The following NCOA2 variants were observed in gnomAD, a reference collection of about 807,000 sequenced individuals.
The protein encoded by NCOA2 is class E basic helix-loop-helix protein 75.
In NCOA2, 21 loss-of-function variants were observed where a neutral mutation model predicts 145.1. The ratio of observed to expected loss-of-function variants is 0.14; its 90% CI spans 0.10 to 0.21. The LOEUF is 0.21. Among genes scored for constraint, NCOA2 ranks in the 10% least tolerant of loss-of-function variants. The pLI, the probability that NCOA2 is intolerant of heterozygous loss-of-function variation, is 1.00. For missense variants in NCOA2, 1,472 were observed against 1,837.6 expected, an observed-to-expected ratio of 0.80 and a Z score of 3.64; for synonymous variants, 619 against 637.5, an observed-to-expected ratio of 0.97 and a Z score of 0.44.
At chr8:70,243,199 TAGA>T (rs1388465233) in intron 2 of NCOA2, among the ~76,000 whole-genome samples, 3 of 152,128 alleles carry the variant, frequency 2.0e-5, no homozygotes, top group African/African-American at 2.4e-5. Flanking sequence ...ACTCTAGCTG[TAGA>T]AGATTATTTA....
intron 4 of NCOA2, among the ~76,000 whole-genome samples, chr8:70,196,403 A>T (rs552703873): frequency 2.6e-5 from 4 of 152,254 alleles, no homozygotes; most frequent in South Asian, 4.1e-4. Flanking sequence ...AATAAAAAAT[A>T]ACCTTTCCTT....
At chr8:70,126,769 G>C in intron 19 of NCOA2, 44 bp downstream of exon 19, 1 of 1,515,728 alleles carries the variant, frequency 6.6e-7, no homozygotes, top group Non-Finnish European at 9.1e-7. Flanking sequence ...GGGACACTGG[G>C]GAGAAAGGAC....
At chr8:70,209,729 T>C (rs1257390140) in intron 4 of NCOA2, among the ~76,000 whole-genome samples, 1 of 152,214 alleles carries the variant, frequency 6.6e-6, no homozygotes, top group Non-Finnish European at 1.5e-5. Flanking sequence ...AATGTATTAA[T>C]TTTTTAAAGA....
At chr8:70,145,800 T>A (rs937134884) in intron 12 of NCOA2, among the ~76,000 whole-genome samples, 8 of 152,132 alleles carry the variant, frequency 5.3e-5, no homozygotes, top group African/African-American at 1.9e-4. Flanking sequence ...TGGCTAATTT[T>A]AAAATTTTTT....
At chr8:70,430,392 A>AT in the NCOA2 span, among the ~76,000 whole-genome samples, 36 of 152,300 alleles carry the variant, frequency 2.4e-4, no homozygotes, top group African/African-American at 5.5e-4. Context: ...ATAGCACTAC[A>AT]TTTTTTACAG....
intron 1 of NCOA2, among the ~76,000 whole-genome samples, chr8:70,373,661 T>C (rs559264925): frequency 3.3e-5 from 5 of 152,200 alleles, no homozygotes; most frequent in Non-Finnish European, 5.9e-5. Flanking sequence ...TTTAAAACTT[T>C]CATAGTTTTA....
intron 2 of NCOA2, among the ~76,000 whole-genome samples, chr8:70,267,942 C>T (rs1053352104): frequency 5.3e-5 from 8 of 152,108 alleles, no homozygotes; most frequent in African/African-American, 1.9e-4. Flanking sequence ...TTCACAAAAT[C>T]GTTTTTCATA....
At chr8:70,421,431 G>A in the NCOA2 span, among the ~76,000 whole-genome samples, 14 of 152,068 alleles carry the variant, frequency 9.2e-5, no homozygotes, top group Admixed American at 2.0e-4. Context: ...GGTAGCATGC[G>A]CCTCTAGTCG....
At chr8:70,351,441 T>C (rs1206524579) in intron 1 of NCOA2, among the ~76,000 whole-genome samples, 1 of 152,140 alleles carries the variant, frequency 6.6e-6, no homozygotes, top group Non-Finnish European at 1.5e-5. Flanking sequence ...AGAAAATTTC[T>C]ATAAAGATTC....
At chr8:70,221,750 T>C (rs554487496) in intron 2 of NCOA2, among the ~76,000 whole-genome samples, 1 of 152,240 alleles carries the variant, frequency 6.6e-6, no homozygotes, top group Non-Finnish European at 1.5e-5. Flanking sequence ...AAGGATATAA[T>C]GTTGATTCAT....
At chr8:70,143,230 G>A (rs1351383661) in intron 13 of NCOA2, among the ~76,000 whole-genome samples, 1 of 152,174 alleles carries the variant, frequency 6.6e-6, no homozygotes, top group East Asian at 1.9e-4. Flanking sequence ...TTACAGGCAT[G>A]AGCCACCATG....
chr8:70,366,387 T>C (rs185995609), intron 1 of NCOA2, among the ~76,000 whole-genome samples: 1 of 152,260 alleles, frequency 6.6e-6, no homozygotes, highest in Admixed American at 6.5e-5. Flanking sequence ...ATACAAATTA[T>C]AAATCTAGGA....
the NCOA2 span, among the ~76,000 whole-genome samples, chr8:70,424,753 G>A: frequency 6.6e-6 from 1 of 152,206 alleles, no homozygotes; most frequent in African/African-American, 2.4e-5. Flanking sequence ...TGGGTGGTCT[G>A]TGTTGCAGTA....
chr8:70,232,870 TACACACAC>T (rs71275059), intron 2 of NCOA2, among the ~76,000 whole-genome samples: 3 of 145,232 alleles, frequency 2.1e-5, no homozygotes, highest in Admixed American at 6.9e-5. Flanking sequence ...ATTTAGAATT[TACACACAC>T]ACACACACAC....
chr8:70,324,862 C>A (rs566656152), intron 1 of NCOA2, among the ~76,000 whole-genome samples: 3 of 151,930 alleles, frequency 2.0e-5, no homozygotes, highest in African/African-American at 7.3e-5. Context: ...TCACTCTGAT[C>A]TTTTTAAATT....
intron 2 of NCOA2, among the ~76,000 whole-genome samples, chr8:70,237,059 G>A (rs1821680121): frequency 6.6e-6 from 1 of 152,214 alleles, no homozygotes; most frequent in African/African-American, 2.4e-5. Flanking sequence ...TGATGCACAA[G>A]TACTTAATAT....
intron 2 of NCOA2, among the ~76,000 whole-genome samples, chr8:70,247,461 C>G (rs1178154709): frequency 6.6e-6 from 1 of 152,120 alleles, no homozygotes; most frequent in African/African-American, 2.4e-5. Flanking sequence ...GACTTAAAAT[C>G]TAAAATCAAT....
At chr8:70,238,875 C>T (rs1821879239) in intron 2 of NCOA2, among the ~76,000 whole-genome samples, 1 of 152,178 alleles carries the variant, frequency 6.6e-6, no homozygotes, top group South Asian at 2.1e-4. Context: ...TTTAGACATT[C>T]AGGACAGATT....
At chr8:70,203,952 G>A (rs1013229194) in intron 4 of NCOA2, among the ~76,000 whole-genome samples, 6 of 151,718 alleles carry the variant, frequency 4.0e-5, no homozygotes, top group African/African-American at 1.5e-4. Context: ...AAACATTAGA[G>A]AAAATATTCC....
Sources: gnomAD v4.1 joint callset for allele counts (sites outside exome capture counted in the v4.1 genomes callset) on GRCh38, gnomAD v4.1.1 for gene constraint, MANE v1.5 for transcripts, NCBI Gene and HGNC (gene_info 2026-07-23, HGNC 2026-07-21) for gene names.